Variants in FASTKD1 observed in about 807,000 individuals in gnomAD.
FASTKD1 encodes the protein FAST kinase domains 1, also known as FAST kinase domain-containing protein 1, mitochondrial.
A neutral mutation model predicts 90.9 loss-of-function variants in FASTKD1; 94 were observed. The observed-to-expected ratio is 1.03, with a 90% CI of 0.88 to 1.23. The LOEUF (loss-of-function observed/expected upper bound fraction) is 1.23. Among genes scored for constraint, FASTKD1 ranks in the 50% most tolerant of loss-of-function variants. The probability of loss-of-function intolerance (pLI) is 0.00; values close to 1 mark genes in which losing one functional copy is unlikely to be tolerated. For missense variants in FASTKD1, 945 were observed against 993.5 expected (o/e 0.95, Z 0.66); for synonymous variants, 319 against 345.8 (o/e 0.92, Z 0.86).
chr2:169,551,162 T>C (rs987701640), intron 7 of FASTKD1, among the ~76,000 whole-genome samples: 3 of 152,152 alleles, frequency 2.0e-5, no homozygotes, highest in Non-Finnish European at 2.9e-5. Flanking sequence ...TATGGAGCAA[T>C]AGGAATGTGT....
At chr2:169,556,342 GA>G (rs1396177380) in intron 6 of FASTKD1, among the ~76,000 whole-genome samples, 2 of 148,642 alleles carry the variant, frequency 1.3e-5, no homozygotes, top group Non-Finnish European at 3.0e-5. Context: ...AGGCTGAGAT[GA>G]GAGGATCAAT....
chr2:169,553,079 T>G (rs186373544), intron 7 of FASTKD1, among the ~76,000 whole-genome samples: 4 of 151,932 alleles, frequency 2.6e-5, no homozygotes, highest in Admixed American at 1.3e-4. Flanking sequence ...TGGTGCCTCA[T>G]GCCTGTAATC....
intron 7 of FASTKD1, among the ~76,000 whole-genome samples, chr2:169,548,573 A>G (rs1685326990): frequency 6.6e-6 from 1 of 151,628 alleles, no homozygotes; most frequent in East Asian, 1.9e-4. Context: ...TCTACTGAAA[A>G]TACAAAAAAT....
At chr2:169,540,323 T>C in intron 9 of FASTKD1, 144 bp from the exon 10 acceptor site, 1 of 816,532 alleles carries the variant, frequency 1.2e-6, no homozygotes, top group Non-Finnish European at 1.8e-6. Context: ...GACAGGATAA[T>C]GGTTAAGTGG....
intron 3 of FASTKD1, 97 bp downstream of exon 3, chr2:169,569,087 G>A: frequency 1.1e-6 from 1 of 931,478 alleles, no homozygotes; most frequent in South Asian, 1.5e-5. Flanking sequence ...AGTGAAGCTT[G>A]ACAGGCATCA....
In FASTKD1 at chr2:169,563,217, AAATTTAC is replaced by A; in HGVS notation, c.572+1_572+7del. 1 of 1,608,244 alleles carries A rather than the reference AAATTTAC, an allele frequency of 6.2e-7. No individual in the cohort carries two copies. Among genetic ancestry groups the A allele is most frequent in the Non-Finnish European group, 8.5e-7 (1 of 1,178,294 alleles). The stretch of plus-strand genomic sequence containing the variant: ...CACCACAACACAAGATTCCCTAAAT[AAATTTAC>A]CTTAAGTCCTGTGTGGTTTCCAAGT... On this transcript the variant is annotated splice_donor_variant and splice_donor_5th_base_variant and intron_variant, in intron 4 of 14. Coordinates refer to ENST00000453153, the MANE Select transcript of FASTKD1 (RefSeq NM_024622.6). LOFTEE classifies it high-confidence loss of function.
At chr2:169,560,061 T>TA (rs1683507378) in intron 5 of FASTKD1, among the ~76,000 whole-genome samples, 1 of 152,134 alleles carries the variant, frequency 6.6e-6, no homozygotes, top group Admixed American at 6.6e-5. Flanking sequence ...TCCACAGACT[T>TA]ACACTGGGTG....
rs560704096 is a variant in FASTKD1, at chr2:169,557,275, T to C, written c.994A>G (p.Met332Val). ...KKQLKSTMLL[M>V]SEDLTGEQAL... ...TGCTCGCCAGTTAGGTCCTCTGACA[T>C]CAATAACATAGTTGATTTAAGTCTA... Residue 332 changes from methionine to valine, a missense_variant, in exon 6 of 15, where the codon ATG becomes GTG. By Grantham distance (21) the Met-to-Val change is conservative. Coordinates refer to ENST00000453153, the MANE Select transcript of FASTKD1 (RefSeq NM_024622.6). The C allele has an allele frequency of 1.2e-5, 19 of 1,599,736 alleles. 1 individual carries two copies. In the South Asian group the frequency reaches 2.0e-4, roughly 17 times the overall value.
intron 5 of FASTKD1, among the ~76,000 whole-genome samples, chr2:169,558,383 G>A (rs368711994): frequency 6.7e-6 from 1 of 150,170 alleles, no homozygotes; most frequent in Admixed American, 6.6e-5. Flanking sequence ...TCAGCCTCCA[G>A]AGTAGCTGGG....
In FASTKD1 at chr2:169,571,513, G is replaced by A. The variant is rs1248604269; in HGVS notation, c.377+140C>T. The A allele has an allele frequency of 4.0e-5, 22 of 548,850 alleles. No homozygotes were observed. In the East Asian group the frequency reaches 5.6e-4, roughly 14 times the overall value. The allele number at this position is 548,850 out of a possible 1,614,324, so 34.0% of individuals were successfully genotyped here. On this transcript the variant is annotated intron_variant, in intron 2 of 14. Transcript: ENST00000453153. The stretch of plus-strand genomic sequence containing the variant: ...TGGGAGGCAGAGCTTGCAGTGAGCC[G>A]AGATCATGCCACTGCACTCCAGCCT...
At position 169,540,156 on chromosome 2, in the gene FASTKD1, C is replaced by A; in HGVS notation, c.1840G>T (p.Val614Leu). 1.3e-6 allele frequency: 2 copies of A among 1,591,318 alleles called. No homozygotes were observed. Among genetic ancestry groups the A allele is most frequent in the Non-Finnish European group, 1.7e-6 (2 of 1,163,086 alleles). Residue 614 changes from valine to leucine, a missense_variant, in exon 10 of 15, where the codon GTG becomes TTG. By Grantham distance (32) the Val-to-Leu change is conservative (BLOSUM62 1). Coordinates refer to ENST00000453153, the MANE Select transcript of FASTKD1 (RefSeq NM_024622.6). Reference protein sequence around the residue: ...YLGILDPFILVFLGFSLATLE... With the variant: ...YLGILDPFILLFLGFSLATLE... ...GTGGCCAAAGAGAAACCAAGAAACA[C>A]TAATATAAAAGGATCCAATATACCT...
intron 3 of FASTKD1, among the ~76,000 whole-genome samples, chr2:169,568,650 AAAAAAAGAGAGACAG>A (rs1684099654): frequency 6.7e-6 from 1 of 148,244 alleles, no homozygotes; most frequent in Admixed American, 6.7e-5. Flanking sequence ...AAAAAAAAAA[AAAAAAAGAGAGACAG>A]AAAAAGAGAG....
At chr2:169,571,225 G>C (rs1001752193) in intron 2 of FASTKD1, 5 of 152,514 alleles carry the variant, frequency 3.3e-5, no homozygotes, top group African/African-American at 1.2e-4. Context: ...AAAAAAATTA[G>C]ATTATCAGGA....
intron 7 of FASTKD1, among the ~76,000 whole-genome samples, chr2:169,552,799 G>A (rs1357467672): frequency 6.6e-6 from 1 of 152,064 alleles, no homozygotes; most frequent in Non-Finnish European, 1.5e-5. Flanking sequence ...TAGGTACTAA[G>A]TACATTACTC....
chr2:169,540,616 A>G (rs1478621458), intron 9 of FASTKD1, among the ~76,000 whole-genome samples: 1 of 152,254 alleles, frequency 6.6e-6, no homozygotes. Context: ...AATATGTTAC[A>G]TACCATTCTA....
At chr2:169,532,222 C>T (rs549015604) in intron 12 of FASTKD1, among the ~76,000 whole-genome samples, 1 of 152,030 alleles carries the variant, frequency 6.6e-6, no homozygotes, top group Non-Finnish European at 1.5e-5. Context: ...GAGTTCCAGA[C>T]CAGCCTGGGC....
At chr2:169,556,552 G>A (rs1000096391) in intron 6 of FASTKD1, among the ~76,000 whole-genome samples, 3 of 151,926 alleles carry the variant, frequency 2.0e-5, no homozygotes, top group African/African-American at 7.3e-5. Context: ...GGCTGGGTGC[G>A]GTGGCTCAGG....
At chr2:169,540,344 G>A (rs1684912870) in intron 9 of FASTKD1, among the ~76,000 whole-genome samples, 165 bp from the exon 10 acceptor site, 1 of 152,152 alleles carries the variant, frequency 6.6e-6, no homozygotes, top group South Asian at 2.1e-4. Flanking sequence ...TTACCTTTGG[G>A]TGTGAGCCAA....
intron 11 of FASTKD1, among the ~76,000 whole-genome samples, chr2:169,537,604 G>A (rs1477012933): frequency 4.6e-5 from 7 of 151,998 alleles, no homozygotes; most frequent in Admixed American, 2.0e-4. Flanking sequence ...GGCTGGTCTC[G>A]AACTCCTGAC....
Sources: gnomAD v4.1 joint callset for allele counts (sites outside exome capture counted in the v4.1 genomes callset) on GRCh38, gnomAD v4.1.1 for gene constraint, MANE v1.5 for transcripts, NCBI Gene and HGNC (gene_info 2026-07-23, HGNC 2026-07-21) for gene names.